Variants in FOXN2 observed in about 807,000 individuals in gnomAD.
FOXN2 encodes the protein forkhead box protein N2.
In FOXN2, 19 loss-of-function variants were observed where a neutral mutation model predicts 41.2. That is an observed-to-expected ratio of 0.46 (90% CI 0.32 to 0.68). The LOEUF is 0.68. Among genes scored for constraint, FOXN2 ranks in the 30% least tolerant of loss-of-function variants. The pLI, the probability that FOXN2 is intolerant of heterozygous loss-of-function variation, is 0.03. For synonymous variants in FOXN2, 195 were observed against 176.8 expected (o/e 1.10, Z -0.82); for missense variants, 587 against 509.4 (o/e 1.15, Z -1.47).
chr2:48,370,470 A>G (rs1217284509), intron 5 of FOXN2, among the ~76,000 whole-genome samples: 4 of 152,144 alleles, frequency 2.6e-5, no homozygotes, highest in Non-Finnish European at 4.4e-5. Flanking sequence ...GTCTTTGCCC[A>G]ACTGTAGCCT....
Position 48,317,071 on chromosome 2 carries a change from C to G in FOXN2, c.-157+2257C>G, listed in dbSNP as rs192550541. Among the ~76,000 whole-genome samples the G allele has an allele frequency of 3.1e-4, 47 of 152,168 alleles. 1 individual carries two copies. The highest frequency in any genetic ancestry group is 1.0e-3 in the African/African-American group (42 of 41,522). Reference sequence around the variant, plus strand: ...GTTGAGAAAGAAAAGTAAATGAGGTCATAAAATACTTATATAAGGCTAAGG... The same window carrying G: ...GTTGAGAAAGAAAAGTAAATGAGGTGATAAAATACTTATATAAGGCTAAGG... On this transcript the variant is annotated intron_variant, in intron 1 of 6. Coordinates refer to ENST00000340553, the MANE Select transcript of FOXN2 (RefSeq NM_002158.4).
chr2:48,320,466 T>C (rs1204439720), intron 1 of FOXN2, among the ~76,000 whole-genome samples: 2 of 152,030 alleles, frequency 1.3e-5, no homozygotes, highest in Non-Finnish European at 2.9e-5. Context: ...AATTTTTGTA[T>C]TTTTAGTAGA....
chr2:48,334,702 T>C (rs1191787225), intron 2 of FOXN2, among the ~76,000 whole-genome samples: 1 of 152,214 alleles, frequency 6.6e-6, no homozygotes, highest in Non-Finnish European at 1.5e-5. Context: ...TTCATGGCTT[T>C]GTGGGGCTCA....
At chr2:48,359,768 TA>T (rs1162786635) in intron 4 of FOXN2, among the ~76,000 whole-genome samples, 17 of 152,146 alleles carry the variant, frequency 1.1e-4, no homozygotes, top group Non-Finnish European at 1.5e-5. Context: ...AAGTAAACCC[TA>T]AAGAAAGTTG....
chr2:48,333,693 C>T (rs996493473), intron 2 of FOXN2, among the ~76,000 whole-genome samples: 2 of 152,130 alleles, frequency 1.3e-5, no homozygotes, highest in African/African-American at 4.8e-5. Context: ...AGTCCATTTC[C>T]ATGATTTAGA....
intron 1 of FOXN2, among the ~76,000 whole-genome samples, chr2:48,323,159 A>G (rs981730104): frequency 1.3e-5 from 2 of 151,798 alleles, no homozygotes; most frequent in Non-Finnish European, 2.9e-5. Context: ...ATTTTTAAAT[A>G]TTCTGTTTTT....
intron 1 of FOXN2, among the ~76,000 whole-genome samples, chr2:48,316,319 G>C (rs939743654): frequency 6.6e-6 from 1 of 152,140 alleles, no homozygotes; most frequent in Non-Finnish European, 1.5e-5. Context: ...GGGAATAATA[G>C]AGTAGTGCAT....
rs183931717 is a variant in FOXN2, at chr2:48,369,082, C to T, written c.704-4210C>T. ...TCTATTTAAGGTGTATTTTTCCTACCATTCTACTGTTATAGAAACAGTACT... is the reference window on the plus strand; with the variant it reads ...TCTATTTAAGGTGTATTTTTCCTACTATTCTACTGTTATAGAAACAGTACT... On this transcript the variant is annotated intron_variant, in intron 5 of 6. Transcript: ENST00000340553. Among the ~76,000 whole-genome samples, 16 of 152,238 alleles carry T rather than the reference C, an allele frequency of 1.1e-4. No individual in the cohort carries two copies. In the East Asian group the frequency reaches 2.9e-3, roughly 28 times the overall value.
At chr2:48,336,663 G>A (rs1670383977) in intron 2 of FOXN2, among the ~76,000 whole-genome samples, 1 of 151,898 alleles carries the variant, frequency 6.6e-6, no homozygotes, top group South Asian at 2.1e-4. Context: ...GAAAGAGCAG[G>A]ATACCAAAAA....
At chr2:48,319,265 A>G (rs1669132497) in intron 1 of FOXN2, among the ~76,000 whole-genome samples, 1 of 151,970 alleles carries the variant, frequency 6.6e-6, no homozygotes, top group South Asian at 2.1e-4. Flanking sequence ...TTATGGAAAA[A>G]AAAATGAGAC....
chr2:48,341,850 T>G (rs893206873), intron 2 of FOXN2, among the ~76,000 whole-genome samples: 4 of 152,234 alleles, frequency 2.6e-5, no homozygotes, highest in African/African-American at 9.6e-5. Flanking sequence ...ATGACTTACA[T>G]TATACTAAAA....
intron 2 of FOXN2, among the ~76,000 whole-genome samples, chr2:48,332,768 G>A (rs1343213943): frequency 2.6e-5 from 4 of 152,026 alleles, no homozygotes; most frequent in African/African-American, 4.8e-5. Flanking sequence ...TACTTACTCT[G>A]TACCTCTGTT....
upstream of FOXN2, among the ~76,000 whole-genome samples, chr2:48,314,057 A>C (rs190087280): frequency 1.4e-4 from 21 of 152,342 alleles, no homozygotes; most frequent in African/African-American, 4.8e-4. Flanking sequence ...ACTTGTTTCC[A>C]CAGAACATTT....
intron 1 of FOXN2, among the ~76,000 whole-genome samples, chr2:48,325,828 T>A (rs993570035): frequency 6.6e-6 from 1 of 151,216 alleles, no homozygotes; most frequent in Non-Finnish European, 1.5e-5. Context: ...TTTAGAGAAT[T>A]CTTCCCTCAA....
At chr2:48,324,462 T>G (rs1184234090) in intron 1 of FOXN2, among the ~76,000 whole-genome samples, 2 of 152,168 alleles carry the variant, frequency 1.3e-5, no homozygotes, top group Admixed American at 6.6e-5. Flanking sequence ...CCAAAGTGCT[T>G]GGACCAGTAA....
chr2:48,370,593 T>A (rs1365253345), intron 5 of FOXN2, among the ~76,000 whole-genome samples: 1 of 152,188 alleles, frequency 6.6e-6, no homozygotes, highest in Non-Finnish European at 1.5e-5. Context: ...CATTTGTATG[T>A]CTTCTTTTGA....
chr2:48,318,679 C>T (rs780508732), intron 1 of FOXN2, among the ~76,000 whole-genome samples: 12 of 152,162 alleles, frequency 7.9e-5, no homozygotes, highest in Non-Finnish European at 1.6e-4. Context: ...TTTCTATAAA[C>T]GAATACTTAA....
intron 1 of FOXN2, among the ~76,000 whole-genome samples, chr2:48,316,107 G>A (rs1048097304): frequency 6.6e-6 from 1 of 152,064 alleles, no homozygotes; most frequent in Non-Finnish European, 1.5e-5. Flanking sequence ...TTGTAACTGT[G>A]CTGTCGCCTC....
chr2:48,323,541 T>C (rs1249847317), intron 1 of FOXN2, among the ~76,000 whole-genome samples: 34 of 152,274 alleles, frequency 2.2e-4, no homozygotes. Context: ...TCTTGAAAAG[T>C]TACTGATCAT....
Sources: gnomAD v4.1 joint callset for allele counts (sites outside exome capture counted in the v4.1 genomes callset) on GRCh38, gnomAD v4.1.1 for gene constraint, MANE v1.5 for transcripts, NCBI Gene and HGNC (gene_info 2026-07-23, HGNC 2026-07-21) for gene names.